NDST4: variants seen among roughly 807,000 people sequenced by gnomAD.
The protein encoded by NDST4 is N-heparan sulfate sulfotransferase 4.
Under a neutral mutation model 100.8 loss-of-function variants are expected in NDST4, and 63 were observed. The ratio of observed to expected loss-of-function variants is 0.62; its 90% CI spans 0.51 to 0.77. The LOEUF (loss-of-function observed/expected upper bound fraction) is 0.77, where lower values mean the gene tolerates loss of function less well. NDST4 is among the 30% of genes least tolerant of loss of function. NDST4 has a pLI of 0.00. For synonymous variants in NDST4, 377 were observed against 361.8 expected, an observed-to-expected ratio of 1.04 and a Z score of -0.48; for missense variants, 943 against 1,018.4, an observed-to-expected ratio of 0.93 and a Z score of 1.01.
chr4:114,937,856 G>A (rs556785299), intron 4 of NDST4, among the ~76,000 whole-genome samples: 18 of 150,360 alleles, frequency 1.2e-4, no homozygotes, highest in African/African-American at 4.4e-4. Flanking sequence ...AAGGATGAAA[G>A]GGCATAGAAT....
intron 2 of NDST4, among the ~76,000 whole-genome samples, chr4:114,992,448 CT>C (rs1727061232): frequency 6.6e-6 from 1 of 151,508 alleles, no homozygotes; most frequent in African/African-American, 2.4e-5. Flanking sequence ...ACACATTACT[CT>C]TAATTAAAGT....
intron 1 of NDST4, among the ~76,000 whole-genome samples, chr4:115,097,945 G>A (rs147160422): frequency 4.9e-4 from 75 of 152,296 alleles, no homozygotes; most frequent in Non-Finnish European, 9.6e-4. Flanking sequence ...CATGGCAGAT[G>A]TCCTCATTTC....
At chr4:114,950,238 C>T (rs561146655) in intron 4 of NDST4, among the ~76,000 whole-genome samples, 3 of 152,048 alleles carry the variant, frequency 2.0e-5, no homozygotes, top group South Asian at 2.1e-4. Context: ...GGAGCCAAAT[C>T]GATTTATTAT....
At chr4:114,933,432 CTTTTT>C (rs367931653) in intron 6 of NDST4, among the ~76,000 whole-genome samples, 10 of 89,248 alleles carry the variant, frequency 1.1e-4, no homozygotes, top group South Asian at 9.7e-4. Context: ...TTTTCTTTTC[CTTTTT>C]TTTTTTTTTT....
At chr4:115,033,153 A>AT (rs1253467263) in intron 2 of NDST4, among the ~76,000 whole-genome samples, 25 of 75,610 alleles carry the variant, frequency 3.3e-4, no homozygotes, top group East Asian at 2.1e-3. Context: ...ATATATATAT[A>AT]TATATTTTTT....
chr4:114,900,991 T>C (rs1262556829), intron 6 of NDST4, among the ~76,000 whole-genome samples: 1 of 151,526 alleles, frequency 6.6e-6, no homozygotes, highest in Non-Finnish European at 1.5e-5. Context: ...TTAATTCCAC[T>C]ATAGTCTGAG....
intron 4 of NDST4, among the ~76,000 whole-genome samples, chr4:114,955,350 G>A (rs1238713248): frequency 5.3e-5 from 8 of 152,130 alleles, no homozygotes; most frequent in Non-Finnish European, 4.4e-5. Flanking sequence ...GAGGCACACT[G>A]AAAACATCCA....
intron 1 of NDST4, among the ~76,000 whole-genome samples, chr4:115,106,451 A>C (rs1238906540): frequency 6.6e-6 from 1 of 152,126 alleles, no homozygotes; most frequent in East Asian, 1.9e-4. Context: ...CTCCAGGACC[A>C]AAATCCAGAG....
intron 1 of NDST4, among the ~76,000 whole-genome samples, chr4:115,105,727 G>C (rs1729820716): frequency 6.6e-6 from 1 of 152,110 alleles, no homozygotes; most frequent in Admixed American, 6.6e-5. Context: ...TGACTGAGTA[G>C]AATCTCACTG....
At chr4:114,894,082 T>C (rs1468792021) in intron 6 of NDST4, among the ~76,000 whole-genome samples, 1 of 152,168 alleles carries the variant, frequency 6.6e-6, no homozygotes, top group African/African-American at 2.4e-5. Context: ...GTCTCTGTTC[T>C]GCTCCATTGA....
At chr4:115,025,266 C>A (rs973495839) in intron 2 of NDST4, among the ~76,000 whole-genome samples, 3 of 152,108 alleles carry the variant, frequency 2.0e-5, no homozygotes, top group Non-Finnish European at 4.4e-5. Context: ...TTCATCTGAG[C>A]CTGACTACTT....
intron 7 of NDST4, among the ~76,000 whole-genome samples, chr4:114,854,551 C>T (rs1578345121): frequency 6.6e-6 from 1 of 152,272 alleles, no homozygotes; most frequent in South Asian, 2.1e-4. Flanking sequence ...TCACCGCAAC[C>T]TTCGCCTCCC....
intron 1 of NDST4, among the ~76,000 whole-genome samples, chr4:115,101,228 G>A (rs564153518): frequency 6.6e-6 from 1 of 152,100 alleles, no homozygotes; most frequent in Admixed American, 6.5e-5. Flanking sequence ...CATGATAAGT[G>A]TAATAGTGGG....
At chr4:114,962,962 G>A (rs1726297188) in intron 4 of NDST4, among the ~76,000 whole-genome samples, 1 of 152,092 alleles carries the variant, frequency 6.6e-6, no homozygotes, top group Admixed American at 6.6e-5. Flanking sequence ...ATTGCTGGTA[G>A]AATATAAAAT....
chr4:115,021,235 A>G (rs1363640962), intron 2 of NDST4, among the ~76,000 whole-genome samples: 3 of 129,468 alleles, frequency 2.3e-5, no homozygotes. Context: ...CCACATATAT[A>G]TATTCCACAT....
intron 2 of NDST4, among the ~76,000 whole-genome samples, chr4:115,055,814 G>GT (rs1375823728): frequency 6.6e-6 from 1 of 152,128 alleles, no homozygotes; most frequent in Admixed American, 6.6e-5. Flanking sequence ...GCCAGAAAGA[G>GT]TAAGTATAAG....
intron 2 of NDST4, among the ~76,000 whole-genome samples, chr4:115,006,477 T>C (rs559872042): frequency 6.6e-6 from 1 of 152,256 alleles, no homozygotes; most frequent in Non-Finnish European, 1.5e-5. Context: ...GCTATCAACA[T>C]AGTTTAATAG....
At chr4:114,902,000 T>G (rs1724851709) in intron 6 of NDST4, among the ~76,000 whole-genome samples, 1 of 152,030 alleles carries the variant, frequency 6.6e-6, no homozygotes. Flanking sequence ...TTTCAGTCAT[T>G]TACTAGACTT....
At chr4:114,911,276 G>A (rs968235291) in intron 6 of NDST4, among the ~76,000 whole-genome samples, 3 of 152,000 alleles carry the variant, frequency 2.0e-5, no homozygotes, top group Admixed American at 2.0e-4. Context: ...ACCTCTGGAG[G>A]TTTCTTAAAC....
Sources: gnomAD v4.1 joint callset for allele counts (sites outside exome capture counted in the v4.1 genomes callset) on GRCh38, gnomAD v4.1.1 for gene constraint, MANE v1.5 for transcripts, NCBI Gene and HGNC (gene_info 2026-07-23, HGNC 2026-07-21) for gene names.